Variants in DOCK5 observed in about 807,000 individuals in gnomAD.
The protein encoded by DOCK5 is dedicator of cytokinesis protein 5.
A neutral mutation model predicts 251.8 loss-of-function variants in DOCK5; 142 were observed. The observed-to-expected ratio is 0.56, with a 90% CI of 0.49 to 0.65. The LOEUF is 0.65. Ranked by LOEUF, DOCK5 falls within the 30% of genes least tolerant of loss-of-function variation. The pLI is 0.00. For missense variants in DOCK5, 2,111 were observed against 2,312.3 expected (o/e 0.91, Z 1.79); for synonymous variants, 842 against 835.5 (o/e 1.01, Z -0.13).
intron 51 of DOCK5, among the ~76,000 whole-genome samples, chr8:25,410,525 G>A (rs939044813): frequency 6.6e-6 from 1 of 152,042 alleles, no homozygotes; most frequent in Non-Finnish European, 1.5e-5. Context: ...GCAATAGTGC[G>A]ATCATAGCTC....
Position 25,403,731 on chromosome 8 carries a change from G to T in DOCK5, c.5093+7G>T, listed in dbSNP as rs775378223. ...CCAGACCGGGATCTGATGGGTAAGG[G>T]TTTCATCTTTAATCTGCAGGAAGGG... On this transcript the variant is annotated splice_region_variant and intron_variant, in intron 48 of 51. Coordinates refer to ENST00000276440, the MANE Select transcript of DOCK5 (RefSeq NM_024940.8). 1 of 1,613,576 alleles carries T rather than the reference G, an allele frequency of 6.2e-7. No individual in the cohort carries two copies. The highest frequency in any genetic ancestry group is 8.5e-7 in the Non-Finnish European group (1 of 1,179,644).
At chr8:25,223,081 AG>A (rs1449377188) in intron 1 of DOCK5, among the ~76,000 whole-genome samples, 3 of 152,210 alleles carry the variant, frequency 2.0e-5, no homozygotes, top group Non-Finnish European at 4.4e-5. Context: ...ATATGTATTC[AG>A]GGTCTCAGTC....
chr8:25,350,864 A>G (rs971885671), intron 26 of DOCK5, among the ~76,000 whole-genome samples: 8 of 152,134 alleles, frequency 5.3e-5, no homozygotes, highest in African/African-American at 1.9e-4. Context: ...GCATCTCCTA[A>G]TACCATCACG....
intron 4 of DOCK5, chr8:25,276,980 A>T (rs190619972): frequency 6.6e-6 from 1 of 152,318 alleles, no homozygotes; most frequent in Admixed American, 6.5e-5. Flanking sequence ...ATTGCTCCTT[A>T]TTAACACTGC....
intron 5 of DOCK5, among the ~76,000 whole-genome samples, chr8:25,286,764 A>G (rs1276870237): frequency 1.3e-5 from 2 of 152,110 alleles, no homozygotes; most frequent in African/African-American, 4.8e-5. Flanking sequence ...CCCAGGCTCA[A>G]GCAATCCTCC....
chr8:25,317,098 G>T lies in DOCK5; in HGVS notation c.1410G>T (p.Met470Ile), dbSNP rs774406909. 5 of 1,613,954 alleles carry T rather than the reference G, an allele frequency of 3.1e-6. No individual in the cohort carries two copies. Among genetic ancestry groups the T allele is most frequent in the South Asian group, 1.1e-5 (1 of 91,076 alleles). Reference sequence around the variant, plus strand: ...CGCCAAAGAATGTGGAGGTGACGATGTCTGTGCACGATGAGGAGGGCAAGC... The same window carrying T: ...CGCCAAAGAATGTGGAGGTGACGATTTCTGTGCACGATGAGGAGGGCAAGC... ...KKTPKNVEVT[M>I]SVHDEEGKLL... The change falls in exon 14 of 52, where the codon ATG (methionine) becomes ATT (isoleucine). Residue 470 changes from methionine (M) to isoleucine (I), a missense_variant. Physicochemically the swap from Met to Ile is conservative, Grantham distance 10. Coordinates refer to ENST00000276440, the MANE Select transcript of DOCK5 (RefSeq NM_024940.8).
chr8:25,381,108 G>A (rs1801059356), intron 39 of DOCK5, among the ~76,000 whole-genome samples: 1 of 151,894 alleles, frequency 6.6e-6, no homozygotes, highest in Non-Finnish European at 1.5e-5. Context: ...CCACCATTCT[G>A]AATGCCTGAT....
chr8:25,324,934 A>G (rs894688903), intron 17 of DOCK5, among the ~76,000 whole-genome samples: 1 of 151,614 alleles, frequency 6.6e-6, no homozygotes, highest in Non-Finnish European at 1.5e-5. Context: ...GCTGAGAATG[A>G]TGGTTTCCAG....
chr8:25,200,006 G>A (rs559039437), intron 1 of DOCK5, among the ~76,000 whole-genome samples: 62 of 152,160 alleles, frequency 4.1e-4, no homozygotes, highest in Non-Finnish European at 8.1e-4. Context: ...CACATTTTCT[G>A]TGAACTTATG....
chr8:25,398,267 T>C (rs1208148262), intron 45 of DOCK5, among the ~76,000 whole-genome samples: 1 of 152,216 alleles, frequency 6.6e-6, no homozygotes, highest in Non-Finnish European at 1.5e-5. Context: ...GTACTTGTAT[T>C]TGAAAGGTAA....
Position 25,304,510 on chromosome 8 carries a change from T to C in DOCK5, c.1049+183T>C, listed in dbSNP as rs1563195228. On this transcript the variant is annotated intron_variant, in intron 11 of 51. Transcript: ENST00000276440. ...CAAAGTCCTTGATGTTGGACTCCCA[T>C]TGAAGAGGGTAAACTGAACTTTCCT... is the stretch of plus-strand genomic sequence containing the variant. 7 of 531,312 alleles carry C rather than the reference T, an allele frequency of 1.3e-5. No individual in the cohort carries two copies. The Admixed American group carries it at 1.9e-4, about 14-fold the overall frequency. 32.9% of individuals were successfully genotyped at this position (531,312 alleles called of 1,614,324 possible). A position where few individuals can be genotyped will look rare whatever the true frequency, so the allele number is the denominator to read the frequency against.
At chr8:25,260,777 C>A (rs1803555379) in intron 2 of DOCK5, among the ~76,000 whole-genome samples, 1 of 151,484 alleles carries the variant, frequency 6.6e-6, no homozygotes, top group Non-Finnish European at 1.5e-5. Context: ...CTCAGAGAGA[C>A]AATTTTCTTT....
chr8:25,391,020 G>T (rs577516841), intron 42 of DOCK5, among the ~76,000 whole-genome samples: 4 of 151,988 alleles, frequency 2.6e-5, no homozygotes, highest in South Asian at 4.2e-4. Context: ...TGTTGCCCAG[G>T]CTGGTCTCAA....
In DOCK5 at chr8:25,319,678, T is replaced by A; in HGVS notation, c.1542+2T>A. 1 of 1,568,010 alleles carries A rather than the reference T, an allele frequency of 6.4e-7. No individual in the cohort carries two copies. Reference sequence around the variant, plus strand: ...CCCTGTTGGTATGAGACTGTCAAGGTGAGAATGAGTCATTTGTAACCCCTG... The same window carrying A: ...CCCTGTTGGTATGAGACTGTCAAGGAGAGAATGAGTCATTTGTAACCCCTG... On this transcript the variant is annotated splice_donor_variant, in intron 15 of 51. Coordinates refer to ENST00000276440, the MANE Select transcript of DOCK5 (RefSeq NM_024940.8). LOFTEE classifies it high-confidence loss of function.
At position 25,415,138 on chromosome 8, in the gene DOCK5, T is replaced by A. The variant is rs1347398186; in HGVS notation, c.*3840T>A. 1 of 152,126 alleles carries A rather than the reference T, an allele frequency of 6.6e-6. No individual in the cohort carries two copies. The highest frequency in any genetic ancestry group is 1.5e-5 in the Non-Finnish European group (1 of 68,028). 9.4% of individuals were successfully genotyped at this position (152,126 alleles called of 1,614,324 possible). A position where few individuals can be genotyped will look rare whatever the true frequency, so the allele number is the denominator to read the frequency against. ...TTAAGATAAAAAGATTTGTGGACAT[T>A]AAAATTATGAATATGTCAGTAATAA... On this transcript the variant is annotated 3_prime_UTR_variant, in exon 52 of 52. Transcript: ENST00000276440.
intron 22 of DOCK5, among the ~76,000 whole-genome samples, chr8:25,337,585 CTTTT>C (rs71549899): frequency 2.3e-5 from 3 of 128,626 alleles, no homozygotes; most frequent in Non-Finnish European, 3.3e-5. Context: ...ATGATAGATT[CTTTT>C]TTTTTTTTTT....
intron 5 of DOCK5, among the ~76,000 whole-genome samples, chr8:25,281,057 G>A (rs960228998): frequency 4.6e-5 from 7 of 151,178 alleles, no homozygotes; most frequent in Non-Finnish European, 1.5e-5. Flanking sequence ...CAACTGGTGT[G>A]CCCAGTTTAT....
chr8:25,234,251 A>G (rs896875574), intron 1 of DOCK5, among the ~76,000 whole-genome samples: 3 of 152,090 alleles, frequency 2.0e-5, no homozygotes, highest in Non-Finnish European at 4.4e-5. Flanking sequence ...TTCCACAGTA[A>G]CCTCTGGCAT....
In DOCK5 at chr8:25,363,079, G is replaced by A; in HGVS notation, c.2982G>A (p.Lys994=). 1 of 1,614,026 alleles carries A rather than the reference G, an allele frequency of 6.2e-7. No individual in the cohort carries two copies. The highest frequency in any genetic ancestry group is 8.5e-7 in the Non-Finnish European group (1 of 1,179,890). The change falls in exon 29 of 52, where the codon AAG becomes AAA. Residue 994 remains lysine (K), a synonymous_variant. Coordinates refer to ENST00000276440, the MANE Select transcript of DOCK5 (RefSeq NM_024940.8). ...TCATGGAAACTTTTATCATGTTCAA[G>A]GACCTGATTGGAAAGAATGTCTATG... ...DFLMETFIMF[K]DLIGKNVYAK...
Sources: allele counts gnomAD v4.1 joint callset (sites outside exome capture counted in the v4.1 genomes callset), GRCh38; gene constraint gnomAD v4.1.1; transcripts MANE v1.5; gene names NCBI Gene and HGNC (gene_info 2026-07-23, HGNC 2026-07-21).